The following PROX1 variants were observed in gnomAD, a reference collection of about 807,000 sequenced individuals.
PROX1 encodes prospero homeobox protein 1.
A neutral mutation model predicts 58.8 loss-of-function variants in PROX1; 7 were observed. The ratio of observed to expected loss-of-function variants is 0.12; its 90% CI spans 0.07 to 0.22. The LOEUF (loss-of-function observed/expected upper bound fraction) is 0.22. Ranked by LOEUF, PROX1 falls within the 10% of genes least tolerant of loss-of-function variation. The pLI, the probability that PROX1 is intolerant of heterozygous loss-of-function variation, is 1.00. For synonymous variants in PROX1, 350 were observed against 358.3 expected, an observed-to-expected ratio of 0.98 and a Z score of 0.26; for missense variants, 675 against 927.8, an observed-to-expected ratio of 0.73 and a Z score of 3.54.
intron 4 of PROX1, among the ~76,000 whole-genome samples, chr1:214,015,236 G>A (rs1005328430): frequency 1.3e-5 from 2 of 152,116 alleles, no homozygotes; most frequent in Non-Finnish European, 2.9e-5. Flanking sequence ...ATATCACACC[G>A]GGTGGGGTGT....
chr1:214,029,880 T>C (rs771905767), intron 4 of PROX1: 9 of 152,556 alleles, frequency 5.9e-5, no homozygotes, highest in Admixed American at 1.3e-4. Context: ...GAAATATTCA[T>C]GCAGAATAGT....
At position 214,020,821 on chromosome 1, in the gene PROX1, G is replaced by A. The variant is rs150800025; in HGVS notation, c.2028+9106G>A. ...TCAGGTGTAGTTAAAGGAGTTAAGT[G>A]TATATTTTATGGAAATCATGGTTAG... On this transcript the variant is annotated intron_variant, in intron 4 of 4. Transcript: ENST00000366958. Among the ~76,000 whole-genome samples, 394 of 152,318 alleles carry A rather than the reference G, an allele frequency of 2.6e-3. 1 individual carries two copies. Among genetic ancestry groups the A allele is most frequent in the Non-Finnish European group, 4.7e-3 (317 of 68,032 alleles).
At chr1:214,010,735 C>T (rs1450929677) in intron 3 of PROX1, among the ~76,000 whole-genome samples, 1 of 152,170 alleles carries the variant, frequency 6.6e-6, no homozygotes, top group South Asian at 2.1e-4. Context: ...TAAGGCCTAA[C>T]CATGTTATAG....
chr1:214,028,097 A>G (rs1287721745), intron 4 of PROX1, among the ~76,000 whole-genome samples: 1 of 152,156 alleles, frequency 6.6e-6, no homozygotes, highest in Non-Finnish European at 1.5e-5. Flanking sequence ...GCTGAATGCC[A>G]CCTGGAGCAT....
Position 213,997,304 on chromosome 1 carries a change from T to C in PROX1, c.769T>C (p.Phe257Leu). Reference protein sequence around the residue: ...QKQLRQLQEKFYQIYDSTDSE... With the variant: ...QKQLRQLQEKLYQIYDSTDSE... ...ACAGCTGCGCCAGCTGCAGGAAAAG[T>C]TCTACCAAATCTATGACAGCACTGA... The change falls in exon 2 of 5, where the codon TTC (phenylalanine) becomes CTC (leucine). Residue 257 changes from phenylalanine to leucine, a missense_variant. Around this residue, in one of 8 missense-constraint regions of PROX1, gnomAD observed 403 missense variants for 477.4 expected, o/e 0.84. Transcript: ENST00000366958. The surrounding 1 kb of genome is among the most constrained non-coding windows in gnomAD (Gnocchi z 7.1). 6.2e-7 allele frequency: 1 copy of C among 1,613,934 alleles called. No homozygotes were observed. The highest frequency in any genetic ancestry group is 8.5e-7 in the Non-Finnish European group (1 of 1,179,988).
At chr1:214,008,318 G>T (rs759097113) in intron 3 of PROX1, among the ~76,000 whole-genome samples, 1 of 152,000 alleles carries the variant, frequency 6.6e-6, no homozygotes, top group African/African-American at 2.4e-5. Context: ...GCGTCCCAAA[G>T]TGCTGGGATT....
At chr1:214,003,953 G>A (rs1354939515) in intron 2 of PROX1, among the ~76,000 whole-genome samples, 1 of 145,600 alleles carries the variant, frequency 6.9e-6, no homozygotes, top group Non-Finnish European at 1.5e-5. Context: ...TGAAATTTTT[G>A]TTGGGTAGTT....
At chr1:213,994,887 AT>A (rs1158224626) in intron 1 of PROX1, among the ~76,000 whole-genome samples, 1 of 150,132 alleles carries the variant, frequency 6.7e-6, no homozygotes, top group Admixed American at 6.6e-5. Context: ...AGGAGCAAAG[AT>A]TTCATGAGGA....
rs1571804672 is a variant in PROX1, at chr1:213,998,044, C to T, written c.1509C>T (p.Ser503=). ...GCCCATTAGGTGCTCCCTCCGGCTC[C>T]TTCTCTGGAAAAGACAGAGCCTCTC... is the stretch of plus-strand genomic sequence containing the variant. The part of the protein sequence containing the change: ...FQSPLGAPSG[S]FSGKDRASPE... The change falls in exon 2 of 5, where the codon TCC becomes TCT. Residue 503 remains serine, a synonymous_variant. Coordinates refer to ENST00000366958, the MANE Select transcript of PROX1 (RefSeq NM_001270616.2). 1 of 1,612,302 alleles carries T rather than the reference C, an allele frequency of 6.2e-7. No homozygotes were observed. The highest frequency in any genetic ancestry group is 2.2e-5 in the East Asian group (1 of 44,828).
Position 213,996,916 on chromosome 1 carries a change from T to C in PROX1, c.381T>C (p.Asp127=), listed in dbSNP as rs747861483. ...CAGGCTCCGAAGTACATCAGGAGGA[T>C]ATATGCAGCAACTCTTCAAGAGACA... The part of the protein sequence containing the change: ...SSTGSEVHQE[D]ICSNSSRDSP... Residue 127 remains aspartate, a synonymous_variant, in exon 2 of 5, where the codon GAT becomes GAC. Transcript: ENST00000366958. 8 of 1,614,048 alleles carry C rather than the reference T, an allele frequency of 5.0e-6. No homozygotes were observed. The Admixed American group carries it at 6.7e-5, about 13-fold the overall frequency.
At chr1:213,985,798 T>C (rs1662810270), upstream of PROX1, 1 of 152,346 alleles carries the variant, frequency 6.6e-6, no homozygotes, top group South Asian at 2.1e-4. Context: ...CGCGTTTGAA[T>C]CTTTTTCTCT....
chr1:214,009,206 A>C (rs1216059928), intron 3 of PROX1, among the ~76,000 whole-genome samples: 1 of 152,208 alleles, frequency 6.6e-6, no homozygotes, highest in Non-Finnish European at 1.5e-5. Context: ...TTGAATATTT[A>C]GGAAGTTTCT....
At chr1:214,024,475 C>T (rs1213176317) in intron 4 of PROX1, among the ~76,000 whole-genome samples, 2 of 152,096 alleles carry the variant, frequency 1.3e-5, no homozygotes, top group East Asian at 3.9e-4. Context: ...TGCCAGCATC[C>T]CCCATGAACT....
chr1:214,032,955 CA>C (rs1399622289), intron 4 of PROX1, among the ~76,000 whole-genome samples: 1 of 152,208 alleles, frequency 6.6e-6, no homozygotes, highest in Non-Finnish European at 1.5e-5. Flanking sequence ...AGACTGCATA[CA>C]ACCCCCAAAG....
chr1:214,002,157 A>G (rs1663539045), intron 2 of PROX1, among the ~76,000 whole-genome samples: 1 of 152,104 alleles, frequency 6.6e-6, no homozygotes, highest in Non-Finnish European at 1.5e-5. Context: ...GGAAAAAAAG[A>G]ATTTTCTTCC....
intron 4 of PROX1, among the ~76,000 whole-genome samples, chr1:214,015,621 G>A (rs753541286): frequency 1.3e-5 from 2 of 152,096 alleles, no homozygotes; most frequent in East Asian, 1.9e-4. Context: ...GAGCTCCACC[G>A]AGACAACTAA....
At chr1:213,999,330 A>G (rs1338461958) in intron 2 of PROX1, among the ~76,000 whole-genome samples, 1 of 152,142 alleles carries the variant, frequency 6.6e-6, no homozygotes, top group Non-Finnish European at 1.5e-5. Flanking sequence ...CATGTTTCTT[A>G]TATAATAAAC....
upstream of PROX1, chr1:213,984,183 C>T (rs1662769546): frequency 6.6e-6 from 1 of 152,228 alleles, no homozygotes; most frequent in Non-Finnish European, 1.5e-5. Flanking sequence ...CCTTCAATCA[C>T]TGACAACCTC....
Position 214,020,319 on chromosome 1 carries a change from C to T in PROX1, c.2028+8604C>T, listed in dbSNP as rs542792701. Reference sequence around the variant, plus strand: ...CTTTGAAATGTGAGTACAGAAAATACTCTTCATGCCTCGCTGTGCACGTTA... The same window carrying T: ...CTTTGAAATGTGAGTACAGAAAATATTCTTCATGCCTCGCTGTGCACGTTA... On this transcript the variant is annotated intron_variant, in intron 4 of 4. Transcript: ENST00000366958. Among the ~76,000 whole-genome samples the T allele has an allele frequency of 3.3e-5, 5 of 152,240 alleles. No individual in the cohort carries two copies. In the East Asian group the frequency reaches 9.7e-4, roughly 29 times the overall value.
Sources: gnomAD v4.1 joint callset for allele counts (sites outside exome capture counted in the v4.1 genomes callset) on GRCh38, gnomAD v4.1.1 for gene constraint, gnomAD v4.1.1 regional missense constraint, Gnocchi (gnomAD v3.1) non-coding constraint, MANE v1.5 for transcripts, NCBI Gene and HGNC (gene_info 2026-07-23, HGNC 2026-07-21) for gene names.